Variants in RPIA observed in about 807,000 individuals in gnomAD.
RPIA encodes ribose-5-phosphate isomerase.
RPIA carries 29 observed loss-of-function variants against 37.8 expected under a neutral mutation model. The observed-to-expected ratio is 0.77, with a 90% CI of 0.57 to 1.05. The LOEUF (loss-of-function observed/expected upper bound fraction) is 1.05, where lower values mean the gene tolerates loss of function less well. Among genes scored for constraint, RPIA ranks in the 50% least tolerant of loss-of-function variants. The pLI is 0.00. For synonymous variants in RPIA, 167 were observed against 157.0 expected, an observed-to-expected ratio of 1.06 and a Z score of -0.48; for missense variants, 385 against 413.6, an observed-to-expected ratio of 0.93 and a Z score of 0.60.
intron 3 of RPIA, among the ~76,000 whole-genome samples, chr2:88,705,409 C>T (rs1672885305): frequency 6.6e-6 from 1 of 152,104 alleles, no homozygotes; most frequent in African/African-American, 2.4e-5. Context: ...AATAAGACTG[C>T]ACATCTACAA....
intron 6 of RPIA, among the ~76,000 whole-genome samples, chr2:88,735,966 C>G (rs555967566): frequency 1.3e-5 from 2 of 152,204 alleles, no homozygotes; most frequent in Admixed American, 1.3e-4. Flanking sequence ...TCTCTAGCAT[C>G]GTTTCATGTG....
chr2:88,709,260 C>A (rs1452898412), intron 3 of RPIA, among the ~76,000 whole-genome samples: 1 of 152,214 alleles, frequency 6.6e-6, no homozygotes, highest in African/African-American at 2.4e-5. Flanking sequence ...ATATTTTCCT[C>A]CTGCGTGTGC....
intron 4 of RPIA, 142 bp downstream of exon 4, chr2:88,729,479 A>T (rs1673239739): frequency 3.5e-6 from 3 of 866,298 alleles, no homozygotes; most frequent in Non-Finnish European, 5.6e-6. Flanking sequence ...TGGGACCTTG[A>T]GTATTAATTT....
At chr2:88,700,451 A>C (rs1672814424) in intron 3 of RPIA, among the ~76,000 whole-genome samples, 1 of 152,216 alleles carries the variant, frequency 6.6e-6, no homozygotes, top group Non-Finnish European at 1.5e-5. Context: ...CAGGAGTTCA[A>C]GACCAGCCTG....
At chr2:88,729,390 T>C in intron 4 of RPIA, 53 bp downstream of exon 4, 1 of 1,517,634 alleles carries the variant, frequency 6.6e-7, no homozygotes, top group South Asian at 1.1e-5. Context: ...CGCTTTTTTA[T>C]GGCTGTCACT....
Position 88,750,543 on chromosome 2 carries a change from T to C in RPIA, c.*465T>C. The C allele has an allele frequency of 2.4e-6, 1 of 416,492 alleles. No individual in the cohort carries two copies. The highest frequency in any genetic ancestry group is 4.2e-6 in the Non-Finnish European group (1 of 236,196). 25.8% of individuals were successfully genotyped at this position (416,492 alleles called of 1,614,324 possible). On this transcript the variant is annotated 3_prime_UTR_variant, in exon 9 of 9. Transcript: ENST00000283646. ...CTTTGTTTACTTGTCTGCTACCCTCTGATTTGTTTTTAGTTAGTTTTTATT... is the reference window on the plus strand; with the variant it reads ...CTTTGTTTACTTGTCTGCTACCCTCCGATTTGTTTTTAGTTAGTTTTTATT...
chr2:88,747,387 C>G (rs970991767), intron 8 of RPIA, among the ~76,000 whole-genome samples: 11 of 152,188 alleles, frequency 7.2e-5, no homozygotes, highest in African/African-American at 2.2e-4. Context: ...CAGGCCTCGC[C>G]CCTCCCTGCC....
intron 1 of RPIA, among the ~76,000 whole-genome samples, chr2:88,694,849 A>T (rs942884633): frequency 6.6e-6 from 1 of 152,136 alleles, no homozygotes; most frequent in Non-Finnish European, 1.5e-5. Context: ...ATCTGAACAG[A>T]CAGCCGTTGC....
At chr2:88,692,013 C>T (rs767958036) in intron 1 of RPIA, 30 bp downstream of exon 1, 2 of 1,558,756 alleles carry the variant, frequency 1.3e-6, no homozygotes, top group Non-Finnish European at 8.7e-7. Context: ...GGGCGCGGGG[C>T]GCATGTCCTT....
intron 1 of RPIA, among the ~76,000 whole-genome samples, chr2:88,692,525 A>G (rs1313572884): frequency 6.6e-6 from 1 of 152,126 alleles, no homozygotes; most frequent in African/African-American, 2.4e-5. Context: ...GGCTGGGTGG[A>G]CTAAGTCTGG....
At chr2:88,727,160 C>A (rs947154758) in intron 3 of RPIA, among the ~76,000 whole-genome samples, 6 of 152,226 alleles carry the variant, frequency 3.9e-5, no homozygotes, top group Admixed American at 2.6e-4. Context: ...CAGTCTGCAG[C>A]CTTACCCCTG....
intron 3 of RPIA, among the ~76,000 whole-genome samples, chr2:88,727,834 C>T (rs572523117): frequency 2.4e-4 from 36 of 152,256 alleles, no homozygotes; most frequent in African/African-American, 8.4e-4. Context: ...ATATATTTCT[C>T]TTTGATAAGT....
At chr2:88,695,318 A>G (rs1672719318) in intron 1 of RPIA, among the ~76,000 whole-genome samples, 1 of 152,186 alleles carries the variant, frequency 6.6e-6, no homozygotes, top group Admixed American at 6.5e-5. Flanking sequence ...GGAGGAGGCA[A>G]TCTTGGGAGC....
chr2:88,694,328 C>G (rs143665976), intron 1 of RPIA, among the ~76,000 whole-genome samples: 181 of 152,340 alleles, frequency 1.2e-3, no homozygotes, highest in African/African-American at 4.2e-3. Flanking sequence ...TTTCAAAAGG[C>G]AAAGAACGAG....
chr2:88,691,846 G>T lies in RPIA; in HGVS notation c.148G>T (p.Gly50Trp), dbSNP rs778551038. 3 of 1,597,710 alleles carry T rather than the reference G, an allele frequency of 1.9e-6. No individual in the cohort carries two copies. In the African/African-American group the frequency reaches 4.0e-5, roughly 21 times the overall value. Residue 50 changes from glycine to tryptophan, a missense_variant, in exon 1 of 9, where the codon GGG (glycine) becomes TGG (tryptophan). By Grantham distance (184) the Gly-to-Trp change is radical. Coordinates refer to ENST00000283646, the MANE Select transcript of RPIA (RefSeq NM_144563.3). Reference protein sequence around the residue: ...HVRLPGRAQSGTRGGAGNTST... With the variant: ...HVRLPGRAQSWTRGGAGNTST... ...GCGGCTGCCGGGGCGTGCACAGTCTGGGACCCGTGGCGGTGCTGGCAACAC... is the reference window on the plus strand; with the variant it reads ...GCGGCTGCCGGGGCGTGCACAGTCTTGGACCCGTGGCGGTGCTGGCAACAC...
intron 3 of RPIA, among the ~76,000 whole-genome samples, chr2:88,704,068 C>T (rs538536099): frequency 8.5e-5 from 13 of 152,178 alleles, no homozygotes; most frequent in Admixed American, 1.3e-4. Flanking sequence ...CCATCTGGAC[C>T]TTATTTTCCA....
At chr2:88,717,509 C>G (rs1352678544) in intron 3 of RPIA, among the ~76,000 whole-genome samples, 3 of 152,090 alleles carry the variant, frequency 2.0e-5, no homozygotes, top group Admixed American at 2.0e-4. Flanking sequence ...TGGTTGCATT[C>G]TTTTGAGTTT....
At chr2:88,694,298 G>A (rs1035019570) in intron 1 of RPIA, among the ~76,000 whole-genome samples, 4 of 152,324 alleles carry the variant, frequency 2.6e-5, no homozygotes, top group South Asian at 4.1e-4. Context: ...GTCTGGCAGG[G>A]CCTTGCAATT....
At chr2:88,717,706 A>G (rs867598305) in intron 3 of RPIA, among the ~76,000 whole-genome samples, 3 of 152,108 alleles carry the variant, frequency 2.0e-5, no homozygotes, top group South Asian at 4.1e-4. Context: ...TGGAGAAAGT[A>G]TTTTAGAAGA....
Sources: gnomAD v4.1 joint callset for allele counts (sites outside exome capture counted in the v4.1 genomes callset) on GRCh38, gnomAD v4.1.1 for gene constraint, MANE v1.5 for transcripts, NCBI Gene and HGNC (gene_info 2026-07-23, HGNC 2026-07-21) for gene names.